Variants in ARHGAP10 observed in about 807,000 individuals in gnomAD.
The protein encoded by ARHGAP10 is Rho GTPase activating protein 10, also known as rho GTPase-activating protein 10.
Under a neutral mutation model 108.6 loss-of-function variants are expected in ARHGAP10, and 87 were observed. The observed-to-expected ratio is 0.80, with a 90% CI of 0.67 to 0.96. The LOEUF is 0.96. Among genes scored for constraint, ARHGAP10 ranks in the 40% least tolerant of loss-of-function variants. The probability of loss-of-function intolerance (pLI) is 0.00; values close to 1 mark genes in which losing one functional copy is unlikely to be tolerated. For missense variants in ARHGAP10, 939 were observed against 954.5 expected (o/e 0.98, Z 0.21); for synonymous variants, 347 against 341.1 (o/e 1.02, Z -0.19).
At chr4:147,955,197 A>G in intron 15 of ARHGAP10, 119 bp from the exon 16 acceptor site, 2 of 887,776 alleles carry the variant, frequency 2.3e-6, no homozygotes, top group African/African-American at 1.7e-5. Flanking sequence ...GGTATTCCCT[A>G]GGGAAGTTTT....
chr4:147,947,855 G>C (rs1738444964), intron 15 of ARHGAP10, among the ~76,000 whole-genome samples: 1 of 151,760 alleles, frequency 6.6e-6, no homozygotes, highest in African/African-American at 2.4e-5. Context: ...AGAGTTTAGT[G>C]TAATGAACCC....
chr4:147,970,740 CTG>C (rs1421435266), intron 18 of ARHGAP10, among the ~76,000 whole-genome samples: 4 of 152,144 alleles, frequency 2.6e-5, no homozygotes, highest in African/African-American at 9.7e-5. Context: ...TTTTATAAAT[CTG>C]TGTATACTTT....
rs765432394 is a variant in ARHGAP10, at chr4:147,936,317, CTTTTTTTTTTT to C, written c.1229-3496_1229-3486del. Among the ~76,000 whole-genome samples, 4 of 97,896 alleles carry C rather than the reference CTTTTTTTTTTT, an allele frequency of 4.1e-5. No individual in the cohort carries two copies. In the East Asian group the frequency reaches 9.3e-4, roughly 23 times the overall value. 64.2% of individuals were successfully genotyped at this position (97,896 alleles called of 152,430 possible). On this transcript the variant is annotated intron_variant, in intron 13 of 22. Transcript: ENST00000336498. ...GGGCTGTGCGGCCTCCTTTTCCTCT[CTTTTTTTTTTT>C]TTTTTTTTTTTGAGATGGAGTCTTG...
rs1188929827 is a variant in ARHGAP10, at chr4:147,965,014, T to G, written c.1451-10T>G. ...TATTTTTTTCTTTATTATTATTTTT[T>G]TTTTGGAAGAAAGCGGCAGCCCAGA... is the stretch of plus-strand genomic sequence containing the variant. On this transcript the variant is annotated splice_polypyrimidine_tract_variant and intron_variant, in intron 16 of 22. Transcript: ENST00000336498. 6.6e-7 allele frequency: 1 copy of G among 1,525,094 alleles called. No individual in the cohort carries two copies. Among genetic ancestry groups the G allele is most frequent in the Admixed American group, 2.3e-5 (1 of 44,042 alleles). 94.5% of individuals were successfully genotyped at this position (1,525,094 alleles called of 1,614,324 possible). A position where few individuals can be genotyped will look rare whatever the true frequency, so the allele number is the denominator to read the frequency against.
chr4:147,848,126 A>G (rs960273002), intron 4 of ARHGAP10, among the ~76,000 whole-genome samples: 1 of 150,948 alleles, frequency 6.6e-6, no homozygotes, highest in Non-Finnish European at 1.5e-5. Flanking sequence ...AGAAATGACT[A>G]AAATCCCTTG....
intron 18 of ARHGAP10, among the ~76,000 whole-genome samples, chr4:148,002,550 T>A (rs1329287436): frequency 6.6e-6 from 1 of 152,172 alleles, no homozygotes; most frequent in Non-Finnish European, 1.5e-5. Flanking sequence ...TCCTGGACTT[T>A]TTTTGGTTGG....
chr4:147,938,399 T>TA (rs1340628350), intron 13 of ARHGAP10, among the ~76,000 whole-genome samples: 1 of 152,118 alleles, frequency 6.6e-6, no homozygotes, highest in Non-Finnish European at 1.5e-5. Context: ...CTATAATTTT[T>TA]AAAAAAAGCA....
intron 1 of ARHGAP10, among the ~76,000 whole-genome samples, chr4:147,819,953 T>C (rs1361531373): frequency 6.6e-6 from 1 of 151,664 alleles, no homozygotes; most frequent in Admixed American, 6.6e-5. Context: ...GGTTCCGGAG[T>C]GGGAAGATAG....
intron 14 of ARHGAP10, among the ~76,000 whole-genome samples, chr4:147,942,568 A>G (rs1708695643): frequency 6.6e-6 from 1 of 151,734 alleles, no homozygotes; most frequent in South Asian, 2.1e-4. Context: ...GTTTCTTTCC[A>G]CTATCCTTCT....
At chr4:147,973,502 C>G (rs1184258979) in intron 18 of ARHGAP10, among the ~76,000 whole-genome samples, 2 of 152,136 alleles carry the variant, frequency 1.3e-5, no homozygotes, top group African/African-American at 4.8e-5. Flanking sequence ...GAGTCTCCAC[C>G]ACCTCAAGCA....
intron 15 of ARHGAP10, among the ~76,000 whole-genome samples, chr4:147,946,935 A>C (rs1030793892): frequency 6.6e-6 from 1 of 152,248 alleles, no homozygotes; most frequent in African/African-American, 2.4e-5. Context: ...GTTTTGAAAT[A>C]GACATTTTTT....
rs747104705 is a variant in ARHGAP10 at position 147,939,825 on chromosome 4, G to A, written c.1229G>A (p.Gly410Asp). The A allele has an allele frequency of 1.2e-6, 2 of 1,613,678 alleles. No homozygotes were observed. Among genetic ancestry groups the A allele is most frequent in the Admixed American group, 1.7e-5 (1 of 60,016 alleles). The change falls in exon 14 of 23, where the codon GGT becomes GAT. Residue 410 changes from glycine (G) to aspartate (D), a missense_variant and splice_region_variant. By Grantham distance (94) the Gly-to-Asp change is moderately conservative. Coordinates refer to ENST00000336498, the MANE Select transcript of ARHGAP10 (RefSeq NM_024605.4). The part of the protein sequence containing the change: ...RKCISAVETR[G>D]INDQGLYRVV... ...GCTAATAGTTTGTTTCTTCCCATAG[G>A]TATAAATGACCAAGGATTGTACAGA...
intron 18 of ARHGAP10, among the ~76,000 whole-genome samples, chr4:147,967,885 A>C (rs896004223): frequency 3.3e-5 from 5 of 152,086 alleles, no homozygotes. Context: ...TTGCCTTCCC[A>C]AGAATTATGA....
intron 6 of ARHGAP10, chr4:147,866,462 TC>T: frequency 2.8e-6 from 1 of 360,932 alleles, no homozygotes; most frequent in Non-Finnish European, 5.0e-6. Flanking sequence ...ATTCAATTTT[TC>T]CTGCAGAACA....
At chr4:147,965,164 C>A in intron 17 of ARHGAP10, 35 bp downstream of exon 17, 2 of 1,546,308 alleles carry the variant, frequency 1.3e-6, no homozygotes, top group East Asian at 2.3e-5. Context: ...ACTTTCTTCA[C>A]TTTGCTCTAG....
intron 1 of ARHGAP10, among the ~76,000 whole-genome samples, chr4:147,734,979 C>A (rs918865488): frequency 1.3e-5 from 2 of 152,102 alleles, no homozygotes; most frequent in African/African-American, 4.8e-5. Flanking sequence ...TTTAATTGCC[C>A]TGCACGGTGT....
intron 18 of ARHGAP10, among the ~76,000 whole-genome samples, chr4:147,998,480 A>T (rs1740565133): frequency 6.6e-6 from 1 of 152,268 alleles, no homozygotes; most frequent in South Asian, 2.1e-4. Context: ...GAAAACTGCA[A>T]ATTCTTTTTG....
chr4:148,013,658 A>C (rs1315460076), intron 18 of ARHGAP10, among the ~76,000 whole-genome samples: 1 of 152,156 alleles, frequency 6.6e-6, no homozygotes, highest in Non-Finnish European at 1.5e-5. Flanking sequence ...ACTGCACTTC[A>C]ACCTGGGTGA....
chr4:147,923,861 C>A (rs1230906432), intron 13 of ARHGAP10, among the ~76,000 whole-genome samples: 1 of 152,154 alleles, frequency 6.6e-6, no homozygotes, highest in African/African-American at 2.4e-5. Context: ...AGGAAGATGT[C>A]CAGAGTGAAC....
Sources: gnomAD v4.1 joint callset for allele counts (sites outside exome capture counted in the v4.1 genomes callset) on GRCh38, gnomAD v4.1.1 for gene constraint, MANE v1.5 for transcripts, NCBI Gene and HGNC (gene_info 2026-07-23, HGNC 2026-07-21) for gene names.